The following CDK7 variants were observed in gnomAD, a reference collection of about 807,000 sequenced individuals.
CDK7 encodes the protein cyclin-dependent kinase 7.
A neutral mutation model predicts 49.1 loss-of-function variants in CDK7; 25 were observed. That is an observed-to-expected ratio of 0.51 (90% CI 0.37 to 0.71). CDK7 has a LOEUF of 0.71. Among genes scored for constraint, CDK7 ranks in the 30% least tolerant of loss-of-function variants. The pLI is 0.00. For synonymous variants in CDK7, 107 were observed against 140.0 expected, an observed-to-expected ratio of 0.76 and a Z score of 1.67; for missense variants, 316 against 411.7, an observed-to-expected ratio of 0.77 and a Z score of 2.01.
intron 10 of CDK7, among the ~76,000 whole-genome samples, chr5:69,273,514 G>A (rs904414633): frequency 2.6e-5 from 4 of 152,162 alleles, no homozygotes; most frequent in South Asian, 2.1e-4. Flanking sequence ...TGGTAATGGG[G>A]AGGAAATGGT....
intron 1 of CDK7, 125 bp downstream of exon 1, chr5:69,235,166 G>C (rs1748871416): frequency 1.1e-6 from 1 of 927,410 alleles, no homozygotes; most frequent in African/African-American, 1.7e-5. Context: ...GGGGGAAACC[G>C]TCCAGACGCA....
Position 69,246,694 on chromosome 5 carries a change from A to C in CDK7, c.127-5724A>C, listed in dbSNP as rs189389860. Among the ~76,000 whole-genome samples, 248 of 144,226 alleles carry C rather than the reference A, an allele frequency of 1.7e-3. 1 individual carries two copies. Among genetic ancestry groups the C allele is most frequent in the African/African-American group, 5.6e-3 (210 of 37,810 alleles). 94.6% of individuals were successfully genotyped at this position (144,226 alleles called of 152,430 possible). A position where few individuals can be genotyped will look rare whatever the true frequency, so the allele number is the denominator to read the frequency against. On this transcript the variant is annotated intron_variant, in intron 2 of 11. Coordinates refer to ENST00000256443, the MANE Select transcript of CDK7 (RefSeq NM_001799.4). ...TTAAGATGCATCATTGTTTATTTGA[A>C]GGTTTTGTTTTTGGTTTTTTTTTTT...
In CDK7 at chr5:69,269,503, C is replaced by A. The variant is rs143203636; in HGVS notation, c.714+210C>A. 3.5e-3 allele frequency among the ~76,000 whole-genome samples: 530 copies of A among 152,220 alleles called. 3 individuals are homozygous for A. The highest frequency in any genetic ancestry group is 0.012 in the African/African-American group (508 of 41,530). ...TTGTATACATGTAGTCCTTTCCCCC[C>A]ACCCCAGTAATCCTGACCTCAGGGT... On this transcript the variant is annotated intron_variant, in intron 9 of 11. Transcript: ENST00000256443.
chr5:69,255,298 T>C (rs1206990932), intron 4 of CDK7, among the ~76,000 whole-genome samples, 162 bp from the exon 5 acceptor site: 1 of 152,214 alleles, frequency 6.6e-6, no homozygotes, highest in Non-Finnish European at 1.5e-5. Context: ...CCTTTAGTAC[T>C]GTCCAAAAAA....
intron 8 of CDK7, among the ~76,000 whole-genome samples, chr5:69,264,896 G>A (rs1561369317): frequency 6.6e-6 from 1 of 152,058 alleles, no homozygotes; most frequent in East Asian, 1.9e-4. Context: ...CTTGAACCCG[G>A]GATGTGGAGG....
At chr5:69,272,107 A>T (rs1751617015) in intron 9 of CDK7, among the ~76,000 whole-genome samples, 1 of 152,004 alleles carries the variant, frequency 6.6e-6, no homozygotes, top group Non-Finnish European at 1.5e-5. Context: ...AGATTTTTGC[A>T]CATGTATGTC....
chr5:69,242,292 A>G (rs1241600936), intron 2 of CDK7, among the ~76,000 whole-genome samples: 2 of 152,166 alleles, frequency 1.3e-5, no homozygotes, highest in Non-Finnish European at 2.9e-5. Context: ...GCAGTGGGCT[A>G]AGGAATGGGG....
intron 2 of CDK7, among the ~76,000 whole-genome samples, chr5:69,251,116 G>A (rs112503397): frequency 0.17 from 16,525 of 99,418 alleles, 1,136 homozygotes; most frequent in South Asian, 0.28. Context: ...TTTTTTTTTC[G>A]AGACAGAGTC....
chr5:69,255,649 A>T, intron 5 of CDK7, 121 bp downstream of exon 5: 1 of 791,000 alleles, frequency 1.3e-6, no homozygotes, highest in Non-Finnish European at 2.3e-6. Context: ...TTTTGTTGAA[A>T]TTTGGATGTA....
intron 7 of CDK7, 93 bp downstream of exon 7, chr5:69,260,029 A>G: frequency 1.3e-6 from 1 of 796,858 alleles, no homozygotes; most frequent in Non-Finnish European, 2.1e-6. Context: ...TTAAGGAATC[A>G]TTGTTGATAG....
chr5:69,249,408 G>A (rs1316896578), intron 2 of CDK7, among the ~76,000 whole-genome samples: 1 of 151,918 alleles, frequency 6.6e-6, no homozygotes, highest in Non-Finnish European at 1.5e-5. Flanking sequence ...TGACATGGTG[G>A]TTTGTGCCTG....
intron 2 of CDK7, among the ~76,000 whole-genome samples, chr5:69,249,064 G>A (rs950139878): frequency 6.6e-5 from 10 of 151,304 alleles, no homozygotes; most frequent in African/African-American, 2.4e-4. Context: ...TTTCTTCTTT[G>A]CCTCTCTCTC....
intron 2 of CDK7, among the ~76,000 whole-genome samples, chr5:69,237,083 ATCTT>A (rs1372047156): frequency 2.7e-5 from 4 of 147,724 alleles, no homozygotes; most frequent in East Asian, 4.0e-4. Flanking sequence ...ATCTTTCTTC[ATCTT>A]TCTTTCTTTT....
chr5:69,259,453 T>C (rs534180296), intron 6 of CDK7, among the ~76,000 whole-genome samples: 226 of 152,322 alleles, frequency 1.5e-3, no homozygotes, highest in African/African-American at 5.3e-3. Flanking sequence ...CTCATTCTTA[T>C]ACATTAACAA....
chr5:69,250,718 A>C (rs1249029343), intron 2 of CDK7: 1 of 455,676 alleles, frequency 2.2e-6, no homozygotes, highest in African/African-American at 2.0e-5. Context: ...AATCTCCTTT[A>C]CTCTTCCCTC....
chr5:69,267,840 A>G (rs1485843730), intron 8 of CDK7, among the ~76,000 whole-genome samples: 2 of 152,224 alleles, frequency 1.3e-5, no homozygotes, highest in Non-Finnish European at 2.9e-5. Context: ...CTTGTCCACA[A>G]TTTGGCCTGC....
chr5:69,254,577 C>A, intron 3 of CDK7, 25 bp from the exon 4 acceptor site: 8 of 1,011,944 alleles, frequency 7.9e-6, no homozygotes, highest in Non-Finnish European at 1.2e-5. Context: ...GAATTATTCA[C>A]TTTTTGCTTT....
chr5:69,277,023 A>C (rs1752221693), intron 11 of CDK7, 84 bp from the exon 12 acceptor site: 1 of 1,145,600 alleles, frequency 8.7e-7, no homozygotes, highest in Non-Finnish European at 1.3e-6. Flanking sequence ...GTTGGAATGC[A>C]GTGACTGGTT....
At position 69,276,959 on chromosome 5, in the gene CDK7, A is replaced by G. The variant is rs962779707; in HGVS notation, c.1013-148A>G. ...TTCATAAATTCCTTCTGTAAACTACATGCTAAATGTTTAACAAGTGCTACT... is the reference window on the plus strand; with the variant it reads ...TTCATAAATTCCTTCTGTAAACTACGTGCTAAATGTTTAACAAGTGCTACT... On this transcript the variant is annotated intron_variant, in intron 11 of 11. Transcript: ENST00000256443. 8.5e-6 allele frequency: 6 copies of G among 705,918 alleles called. No homozygotes were observed. The East Asian group carries it at 1.6e-4, about 19-fold the overall frequency. The allele number at this position is 705,918 out of a possible 1,614,324, so 43.7% of individuals were successfully genotyped here. A position where few individuals can be genotyped will look rare whatever the true frequency, so the allele number is the denominator to read the frequency against.
Sources: gnomAD v4.1 joint callset for allele counts (sites outside exome capture counted in the v4.1 genomes callset) on GRCh38, gnomAD v4.1.1 for gene constraint, MANE v1.5 for transcripts, NCBI Gene and HGNC (gene_info 2026-07-23, HGNC 2026-07-21) for gene names.